DDAH1: variants seen among roughly 807,000 people sequenced by gnomAD.
The protein encoded by DDAH1 is dimethylarginine dimethylaminohydrolase 1.
Under a neutral mutation model 28.8 loss-of-function variants are expected in DDAH1, and 19 were observed. That is an observed-to-expected ratio of 0.66 (90% confidence interval 0.46 to 0.97). DDAH1 has a LOEUF of 0.97. Ranked by LOEUF, DDAH1 falls within the 50% of genes least tolerant of loss-of-function variation. The probability of loss-of-function intolerance (pLI) is 0.00; values close to 1 mark genes in which losing one functional copy is unlikely to be tolerated. For synonymous variants in DDAH1, 153 were observed against 154.4 expected, an observed-to-expected ratio of 0.99 and a Z score of 0.07; for missense variants, 326 against 375.9, an observed-to-expected ratio of 0.87 and a Z score of 1.10.
chr1:85,361,011 A>G (rs1203719860), intron 1 of DDAH1, among the ~76,000 whole-genome samples: 1 of 152,238 alleles, frequency 6.6e-6, no homozygotes, highest in African/African-American at 2.4e-5. Context: ...AAGCACATGG[A>G]CAAGATTTTT....
At chr1:85,349,658 A>G (rs933180409) in intron 4 of DDAH1, among the ~76,000 whole-genome samples, 2 of 152,198 alleles carry the variant, frequency 1.3e-5, no homozygotes, top group Admixed American at 1.3e-4. Context: ...TTCATCAGAC[A>G]TTTATGAAGG....
intron 1 of DDAH1, among the ~76,000 whole-genome samples, chr1:85,501,505 C>T (rs1656818522): frequency 6.6e-6 from 1 of 152,158 alleles, no homozygotes; most frequent in African/African-American, 2.4e-5. Flanking sequence ...CTTTATAGTA[C>T]CCATATGCAG....
chr1:85,509,617 G>A (rs1404989455), intron 1 of DDAH1, among the ~76,000 whole-genome samples: 1 of 152,174 alleles, frequency 6.6e-6, no homozygotes, highest in African/African-American at 2.4e-5. Flanking sequence ...TGGCTAACTA[G>A]AATAAACAAT....
chr1:85,358,618 C>T (rs748291199), intron 2 of DDAH1, 130 bp downstream of exon 2: 21 of 668,820 alleles, frequency 3.1e-5, no homozygotes, highest in East Asian at 1.7e-4. Flanking sequence ...CACTGCACTC[C>T]GGCCTAGGTG....
At chr1:85,360,662 T>C (rs1418362697) in intron 1 of DDAH1, among the ~76,000 whole-genome samples, 1 of 152,206 alleles carries the variant, frequency 6.6e-6, no homozygotes, top group Non-Finnish European at 1.5e-5. Flanking sequence ...TAAATTTTGG[T>C]TTGAAAAGTT....
At chr1:85,507,425 C>T (rs1481615378) in intron 1 of DDAH1, among the ~76,000 whole-genome samples, 2 of 151,904 alleles carry the variant, frequency 1.3e-5, no homozygotes, top group South Asian at 4.2e-4. Context: ...ACTGCTTGAG[C>T]CCAGGAGGTT....
At chr1:85,512,044 A>G in intron 1 of DDAH1, among the ~76,000 whole-genome samples, 1 of 151,778 alleles carries the variant, frequency 6.6e-6, no homozygotes, top group Non-Finnish European at 1.5e-5. Context: ...GAGACACAAC[A>G]AAAAAAGAGA....
At chr1:85,358,115 T>C (rs1295345314) in intron 2 of DDAH1, among the ~76,000 whole-genome samples, 2 of 152,198 alleles carry the variant, frequency 1.3e-5, no homozygotes, top group African/African-American at 4.8e-5. Context: ...TGGAAAACGA[T>C]GCAACTTATA....
At position 85,499,285 on chromosome 1, in the gene DDAH1, T is replaced by C. The variant is rs149982568; in HGVS notation, c.-122-3004A>G. Reference sequence around the variant, plus strand: ...ACCACAATAACTTTATTAATGTATCTTGAATTTAACAAGATCCCTAGGTAA... The same window carrying C: ...ACCACAATAACTTTATTAATGTATCCTGAATTTAACAAGATCCCTAGGTAA... On this transcript the variant is annotated intron_variant, in intron 1 of 6. Coordinates refer to the DDAH1 transcript ENST00000426972. Among the ~76,000 whole-genome samples the C allele has an allele frequency of 4.9e-4, 75 of 152,350 alleles. No homozygotes were observed. In the East Asian group the frequency reaches 0.013, roughly 27 times the overall value.
At chr1:85,407,324 G>A (rs1652451634) in intron 1 of DDAH1, among the ~76,000 whole-genome samples, 2 of 152,174 alleles carry the variant, frequency 1.3e-5, no homozygotes, top group Admixed American at 6.5e-5. Context: ...GAGCGGAGCT[G>A]GCCAACAATG....
At chr1:85,414,447 C>T (rs940897618) in intron 1 of DDAH1, among the ~76,000 whole-genome samples, 6 of 152,158 alleles carry the variant, frequency 3.9e-5, no homozygotes, top group African/African-American at 1.2e-4. Context: ...AAATTAAGAG[C>T]TCTGGTTCAT....
intron 1 of DDAH1, among the ~76,000 whole-genome samples, chr1:85,559,470 C>G (rs769711799): frequency 2.6e-5 from 4 of 151,676 alleles, no homozygotes; most frequent in African/African-American, 4.9e-5. Flanking sequence ...CTGGACATAC[C>G]AAGAAGCAAG....
At chr1:85,421,636 C>G (rs1246921530) in intron 1 of DDAH1, among the ~76,000 whole-genome samples, 1 of 152,178 alleles carries the variant, frequency 6.6e-6, no homozygotes, top group Admixed American at 6.5e-5. Context: ...AGCCCCTGAT[C>G]TTTTCACTAT....
chr1:85,569,914 C>T (rs189002660), intron 1 of DDAH1, among the ~76,000 whole-genome samples: 1 of 152,278 alleles, frequency 6.6e-6, no homozygotes, highest in Admixed American at 6.5e-5. Flanking sequence ...CCTTATCACT[C>T]GCTATACCCC....
intron 1 of DDAH1, among the ~76,000 whole-genome samples, chr1:85,378,256 C>T (rs559566284): frequency 5.9e-5 from 9 of 152,136 alleles, no homozygotes; most frequent in South Asian, 2.1e-4. Context: ...TATGCCAAAA[C>T]GAAAATCTTA....
chr1:85,428,286 G>C (rs1557617955), intron 1 of DDAH1, among the ~76,000 whole-genome samples: 2 of 152,144 alleles, frequency 1.3e-5, no homozygotes, highest in African/African-American at 4.8e-5. Context: ...AGGTTTAATG[G>C]ACTCACAGTT....
At chr1:85,570,891 A>G (rs950466453) in intron 1 of DDAH1, among the ~76,000 whole-genome samples, 2 of 151,540 alleles carry the variant, frequency 1.3e-5, no homozygotes, top group Non-Finnish European at 3.0e-5. Flanking sequence ...AAAAAAAGAG[A>G]GAAAAATGGC....
chr1:85,430,687 T>G (rs986687359), intron 1 of DDAH1, among the ~76,000 whole-genome samples: 1 of 152,170 alleles, frequency 6.6e-6, no homozygotes, highest in Admixed American at 6.5e-5. Context: ...CACTCATGAT[T>G]TGGCTCTCTA....
chr1:85,506,869 T>C (rs549946246), intron 1 of DDAH1, among the ~76,000 whole-genome samples: 2 of 152,076 alleles, frequency 1.3e-5, no homozygotes, highest in East Asian at 1.9e-4. Flanking sequence ...GACAGAAACA[T>C]AGGAGGCCAC....
Sources: allele counts gnomAD v4.1 joint callset (sites outside exome capture counted in the v4.1 genomes callset), GRCh38; gene constraint gnomAD v4.1.1; transcripts MANE v1.5; gene names NCBI Gene and HGNC (gene_info 2026-07-23, HGNC 2026-07-21).